The following NUDCD1 variants were observed in gnomAD, a reference collection of about 807,000 sequenced individuals.
The protein encoded by NUDCD1 is nudC domain-containing protein 1.
Under a neutral mutation model 67.8 loss-of-function variants are expected in NUDCD1, and 60 were observed. The ratio of observed to expected loss-of-function variants is 0.88; its 90% CI spans 0.72 to 1.10. The LOEUF is 1.10. NUDCD1 is among the 50% of genes least tolerant of loss of function. NUDCD1 has a pLI of 0.00. For missense variants in NUDCD1, 643 were observed against 695.0 expected (o/e 0.93, Z 0.84); for synonymous variants, 244 against 230.8 (o/e 1.06, Z -0.52).
chr8:109,322,014 A>T (rs1363468060), intron 2 of NUDCD1, among the ~76,000 whole-genome samples: 1 of 152,184 alleles, frequency 6.6e-6, no homozygotes, highest in Non-Finnish European at 1.5e-5. Context: ...AGTTGGGGAC[A>T]ACACCTCACA....
At chr8:109,249,413 G>A (rs953690669) in intron 8 of NUDCD1, among the ~76,000 whole-genome samples, 1 of 152,116 alleles carries the variant, frequency 6.6e-6, no homozygotes, top group African/African-American at 2.4e-5. Flanking sequence ...ACAATTTTAT[G>A]TCTCAGAAAT....
chr8:109,324,751 T>C (rs1348111653), intron 1 of NUDCD1, among the ~76,000 whole-genome samples: 1 of 152,138 alleles, frequency 6.6e-6, no homozygotes, highest in African/African-American at 2.4e-5. Flanking sequence ...ATTCTATCAT[T>C]TGCAGCAACA....
chr8:109,312,427 T>A (rs2926255), intron 2 of NUDCD1, among the ~76,000 whole-genome samples: 1 of 151,652 alleles, frequency 6.6e-6, no homozygotes, highest in South Asian at 2.1e-4. Context: ...TAAAGTGCCA[T>A]GTTGGTGGGA....
At position 109,241,842 on chromosome 8, in the gene NUDCD1, T is replaced by A; in HGVS notation, c.*1167A>T. The A allele has an allele frequency of 2.7e-6, 1 of 370,634 alleles. No individual in the cohort carries two copies. Among genetic ancestry groups the A allele is most frequent in the Non-Finnish European group, 4.8e-6 (1 of 209,148 alleles). The allele number at this position is 370,634 out of a possible 1,614,324, so 23.0% of individuals were successfully genotyped here. ...CTCTTAAATGAAGGTCTTAACTTCC[T>A]TATTAAAATATAAAATCCAACTTGA... On this transcript the variant is annotated 3_prime_UTR_variant, in exon 10 of 10. Coordinates refer to ENST00000239690, the MANE Select transcript of NUDCD1 (RefSeq NM_032869.4).
At chr8:109,318,431 T>C (rs942729828) in intron 2 of NUDCD1, among the ~76,000 whole-genome samples, 9 of 152,212 alleles carry the variant, frequency 5.9e-5, no homozygotes, top group African/African-American at 2.2e-4. Flanking sequence ...CACAGAACTC[T>C]ACATCAAAAT....
chr8:109,317,704 CA>C (rs372193272), intron 2 of NUDCD1, among the ~76,000 whole-genome samples: 1 of 151,746 alleles, frequency 6.6e-6, no homozygotes, highest in African/African-American at 2.4e-5. Context: ...GGAATATGTG[CA>C]AAAAAAACTA....
intron 8 of NUDCD1, among the ~76,000 whole-genome samples, chr8:109,255,780 A>C (rs1813721894): frequency 6.6e-6 from 1 of 152,156 alleles, no homozygotes; most frequent in Admixed American, 6.6e-5. Flanking sequence ...AAAGAGAATA[A>C]GAGGAATAAA....
At chr8:109,271,548 A>G (rs956199415) in intron 7 of NUDCD1, among the ~76,000 whole-genome samples, 1 of 152,186 alleles carries the variant, frequency 6.6e-6, no homozygotes, top group Non-Finnish European at 1.5e-5. Flanking sequence ...GACAAAACAT[A>G]AAAGCAGGGA....
At chr8:109,252,110 C>T (rs1035298407) in intron 8 of NUDCD1, among the ~76,000 whole-genome samples, 2 of 152,102 alleles carry the variant, frequency 1.3e-5, no homozygotes, top group African/African-American at 4.8e-5. Context: ...CTTGCTTCCT[C>T]TCTAGTGGTA....
chr8:109,306,021 T>A (rs1815093905), intron 2 of NUDCD1, among the ~76,000 whole-genome samples: 1 of 152,202 alleles, frequency 6.6e-6, no homozygotes, highest in Non-Finnish European at 1.5e-5. Flanking sequence ...GCAACAGGGC[T>A]TTATGCAGTC....
intron 8 of NUDCD1, among the ~76,000 whole-genome samples, chr8:109,263,784 A>C (rs1813925334): frequency 6.6e-6 from 1 of 152,164 alleles, no homozygotes; most frequent in African/African-American, 2.4e-5. Flanking sequence ...TCATAGTAAT[A>C]CTAGGATGTA....
intron 9 of NUDCD1, among the ~76,000 whole-genome samples, chr8:109,244,479 G>C (rs942011131): frequency 2.0e-5 from 3 of 152,088 alleles, no homozygotes; most frequent in African/African-American, 7.2e-5. Flanking sequence ...GGTTAAATTA[G>C]TTAACCAAAC....
intron 1 of NUDCD1, chr8:109,329,813 C>A: frequency 6.4e-7 from 1 of 1,550,810 alleles, no homozygotes; most frequent in South Asian, 1.2e-5. Context: ...ACCAGGCATG[C>A]TCCAACCCTG....
At chr8:109,260,309 C>T (rs1813834241) in intron 8 of NUDCD1, among the ~76,000 whole-genome samples, 1 of 152,204 alleles carries the variant, frequency 6.6e-6, no homozygotes, top group African/African-American at 2.4e-5. Flanking sequence ...ATCTTCGGGC[C>T]TCAGGCCCCT....
intron 1 of NUDCD1, among the ~76,000 whole-genome samples, chr8:109,326,968 T>A (rs1357356644): frequency 6.6e-6 from 1 of 152,334 alleles, no homozygotes; most frequent in Non-Finnish European, 1.5e-5. Flanking sequence ...TGCCAATATT[T>A]AACTCTTTGA....
At chr8:109,328,577 G>GTGAGTAA (rs1815732448) in intron 1 of NUDCD1, among the ~76,000 whole-genome samples, 1 of 152,134 alleles carries the variant, frequency 6.6e-6, no homozygotes. Context: ...CATAAGGCTA[G>GTGAGTAA]GAACCATAAC....
intron 2 of NUDCD1, among the ~76,000 whole-genome samples, chr8:109,321,592 A>G (rs879698463): frequency 1.3e-5 from 2 of 152,244 alleles, no homozygotes; most frequent in Non-Finnish European, 2.9e-5. Flanking sequence ...CAAAGAACAA[A>G]CAGGGCATAA....
At chr8:109,268,363 T>C (rs1239474644) in intron 8 of NUDCD1, among the ~76,000 whole-genome samples, 1 of 152,224 alleles carries the variant, frequency 6.6e-6, no homozygotes, top group Non-Finnish European at 1.5e-5. Context: ...ACATTGCCTG[T>C]GACTATAGTT....
At chr8:109,245,020 A>C (rs1407405624) in intron 9 of NUDCD1, among the ~76,000 whole-genome samples, 1 of 152,190 alleles carries the variant, frequency 6.6e-6, no homozygotes, top group African/African-American at 2.4e-5. Flanking sequence ...CTCAGACTCC[A>C]GTATTATATG....
Sources: allele counts gnomAD v4.1 joint callset (sites outside exome capture counted in the v4.1 genomes callset), GRCh38; gene constraint gnomAD v4.1.1; transcripts MANE v1.5; gene names NCBI Gene and HGNC (gene_info 2026-07-23, HGNC 2026-07-21).